Variants in RASSF9 observed in about 807,000 individuals in gnomAD.
RASSF9 encodes Ras association domain family member 9.
A neutral mutation model predicts 21.4 loss-of-function variants in RASSF9; 18 were observed. That is an observed-to-expected ratio of 0.84 (90% CI 0.58 to 1.25). The LOEUF (loss-of-function observed/expected upper bound fraction) is 1.25. Ranked by LOEUF, RASSF9 falls within the 50% of genes most tolerant of loss-of-function variation. The pLI is 0.00. For synonymous variants in RASSF9, 183 were observed against 179.1 expected, an observed-to-expected ratio of 1.02 and a Z score of -0.18; for missense variants, 480 against 503.2, an observed-to-expected ratio of 0.95 and a Z score of 0.44.
chr12:85,833,008 C>G (rs1052559861), intron 1 of RASSF9, among the ~76,000 whole-genome samples: 11 of 151,248 alleles, frequency 7.3e-5, no homozygotes, highest in African/African-American at 2.2e-4. Flanking sequence ...GGCATACAAA[C>G]TTTTTAGGCT....
chr12:85,836,248 G>A lies in RASSF9; in HGVS notation c.-47C>T, dbSNP rs766287158. ...AAGAAATTATCTTAAAGTGATCTGA[G>A]GGTGGGGGTGGGGGTGTCTGGATTT... On this transcript the variant is annotated 5_prime_UTR_variant, in exon 1 of 2. Coordinates refer to ENST00000361228, the MANE Select transcript of RASSF9 (RefSeq NM_005447.4). 2.7e-6 allele frequency: 4 copies of A among 1,495,686 alleles called. No homozygotes were observed. The South Asian group carries it at 3.6e-5, about 14-fold the overall frequency. The allele number at this position is 1,495,686 out of a possible 1,614,324, so 92.7% of individuals were successfully genotyped here.
At chr12:85,821,596 AT>A (rs1880211980) in intron 1 of RASSF9, among the ~76,000 whole-genome samples, 1 of 152,212 alleles carries the variant, frequency 6.6e-6, no homozygotes, top group African/African-American at 2.4e-5. Context: ...TCATCACTTA[AT>A]AAAAACAAAA....
intron 1 of RASSF9, among the ~76,000 whole-genome samples, chr12:85,818,761 C>G (rs1244220483): frequency 6.6e-6 from 1 of 151,594 alleles, no homozygotes; most frequent in Non-Finnish European, 1.5e-5. Flanking sequence ...GAAATCGAGA[C>G]CATCCTGGCC....
chr12:85,807,540 A>C (rs1879861309), intron 1 of RASSF9, among the ~76,000 whole-genome samples: 1 of 152,100 alleles, frequency 6.6e-6, no homozygotes, highest in East Asian at 1.9e-4. Flanking sequence ...AGTCTAGAAA[A>C]TAGATGATGA....
intron 1 of RASSF9, among the ~76,000 whole-genome samples, chr12:85,825,561 C>G (rs1415631059): frequency 3.9e-5 from 6 of 151,960 alleles, no homozygotes; most frequent in African/African-American, 1.5e-4. Context: ...ACTACAAGGA[C>G]AGAGTAGTTG....
chr12:85,804,184 TATACA>T lies in RASSF9; in HGVS notation c.*513_*517del, dbSNP rs1879761570. ...ACAGGTAGAAGGGTTCAGGAAGTGA[TATACA>T]TGATACGTTGTATTATCAAGGATCA... On this transcript the variant is annotated 3_prime_UTR_variant, in exon 2 of 2. Coordinates refer to ENST00000361228, the MANE Select transcript of RASSF9 (RefSeq NM_005447.4). 1 of 152,912 alleles carries T rather than the reference TATACA, an allele frequency of 6.5e-6. No homozygotes were observed. The allele number at this position is 152,912 out of a possible 1,614,324, so 9.5% of individuals were successfully genotyped here.
At chr12:85,809,281 A>G (rs1879900303) in intron 1 of RASSF9, among the ~76,000 whole-genome samples, 1 of 152,090 alleles carries the variant, frequency 6.6e-6, no homozygotes, top group Non-Finnish European at 1.5e-5. Context: ...AATAATATGA[A>G]CCACTTTTTT....
At chr12:85,823,416 C>A (rs535590350) in intron 1 of RASSF9, among the ~76,000 whole-genome samples, 23 of 152,104 alleles carry the variant, frequency 1.5e-4, no homozygotes, top group Non-Finnish European at 2.8e-4. Context: ...TCACATGGAT[C>A]TTCCTTTGCT....
intron 1 of RASSF9, among the ~76,000 whole-genome samples, chr12:85,830,247 G>A (rs1880421398): frequency 1.3e-5 from 2 of 151,974 alleles, no homozygotes. Flanking sequence ...CATGATTCTT[G>A]ATTTGTTTTT....
intron 1 of RASSF9, among the ~76,000 whole-genome samples, chr12:85,835,501 A>G (rs1473557572): frequency 6.6e-6 from 1 of 151,916 alleles, no homozygotes. Flanking sequence ...CAGTAATAAT[A>G]AGGATTAGAG....
intron 1 of RASSF9, among the ~76,000 whole-genome samples, chr12:85,830,838 A>G (rs964832229): frequency 5.3e-5 from 8 of 152,128 alleles, no homozygotes; most frequent in Non-Finnish European, 1.2e-4. Flanking sequence ...TTTCTCTAGA[A>G]GGTGTAGTAC....
chr12:85,816,454 G>A (rs1033075571), intron 1 of RASSF9, among the ~76,000 whole-genome samples: 9 of 151,988 alleles, frequency 5.9e-5, no homozygotes, highest in African/African-American at 2.2e-4. Context: ...ACAGAGAAAT[G>A]GGGATTATCT....
rs926637788 is a variant in RASSF9, at chr12:85,803,566, A to C, written c.*1136T>G. The C allele has an allele frequency of 3.9e-5, 6 of 152,142 alleles. No individual in the cohort carries two copies. Among genetic ancestry groups the C allele is most frequent in the African/African-American group, 1.2e-4 (5 of 41,442 alleles). 9.4% of individuals were successfully genotyped at this position (152,142 alleles called of 1,614,324 possible). On this transcript the variant is annotated 3_prime_UTR_variant, in exon 2 of 2. Transcript: ENST00000361228. Reference sequence around the variant, plus strand: ...TAAGAAGAAAGTAAGCAAAGAAGGGAGAGAGAAGAAAGCACATTTCTAATT... The same window carrying C: ...TAAGAAGAAAGTAAGCAAAGAAGGGCGAGAGAAGAAAGCACATTTCTAATT...
Position 85,805,192 on chromosome 12 carries a change from A to G in RASSF9, c.818T>C (p.Leu273Pro). 2 of 1,613,866 alleles carry G rather than the reference A, an allele frequency of 1.2e-6. No homozygotes were observed. The highest frequency in any genetic ancestry group is 1.7e-6 in the Non-Finnish European group (2 of 1,179,894). The change falls in exon 2 of 2, where the codon CTG (leucine) becomes CCG (proline). Residue 273 changes from leucine (L) to proline (P), a missense_variant. Transcript: ENST00000361228. ...ATCAATGAGTATTCGGTAATATTTC[A>G]GTCGTTCTTCCAGCTGTTCAATTCC... ...SDGIEQLEER[L>P]KYYRILIDKL...
Position 85,801,453 on chromosome 12 carries a change from G to A in RASSF9, c.*3249C>T, listed in dbSNP as rs1879697789. ...AATTTAGCCACTCAATTCAAAAAGG[G>A]AGCAGGGGGCAAAGAAGTTAATAGG... On this transcript the variant is annotated 3_prime_UTR_variant, in exon 2 of 2. Coordinates refer to ENST00000361228, the MANE Select transcript of RASSF9 (RefSeq NM_005447.4). The A allele has an allele frequency of 6.6e-6, 1 of 152,232 alleles. No individual in the cohort carries two copies. Among genetic ancestry groups the A allele is most frequent in the South Asian group, 2.1e-4 (1 of 4,820 alleles). The allele number at this position is 152,232 out of a possible 1,614,324, so 9.4% of individuals were successfully genotyped here.
At chr12:85,832,811 T>C (rs962629393) in intron 1 of RASSF9, among the ~76,000 whole-genome samples, 5 of 152,050 alleles carry the variant, frequency 3.3e-5, no homozygotes, top group Non-Finnish European at 5.9e-5. Flanking sequence ...TATTCTGTTT[T>C]TCTGGAATCA....
At chr12:85,828,573 A>G (rs888550688) in intron 1 of RASSF9, among the ~76,000 whole-genome samples, 6 of 152,158 alleles carry the variant, frequency 3.9e-5, no homozygotes, top group Admixed American at 2.6e-4. Flanking sequence ...ATTTTACTTA[A>G]TCTTCTAAAT....
At chr12:85,816,830 T>C (rs1241627696) in intron 1 of RASSF9, among the ~76,000 whole-genome samples, 1 of 152,140 alleles carries the variant, frequency 6.6e-6, no homozygotes, top group Middle Eastern at 3.2e-3. Context: ...AGATAGAACA[T>C]CTTATGCAAA....
chr12:85,820,251 T>C (rs1880177218), intron 1 of RASSF9, among the ~76,000 whole-genome samples: 1 of 152,366 alleles, frequency 6.6e-6, no homozygotes. Context: ...TTACATATTG[T>C]ACATGGCTGT....
Sources: allele counts gnomAD v4.1 joint callset (sites outside exome capture counted in the v4.1 genomes callset), GRCh38; gene constraint gnomAD v4.1.1; transcripts MANE v1.5; gene names NCBI Gene and HGNC (gene_info 2026-07-23, HGNC 2026-07-21).